Variants in CNOT10 observed in about 807,000 individuals in gnomAD.
CNOT10 encodes the protein CCR4-NOT transcription complex, subunit 10.
A neutral mutation model predicts 94.6 loss-of-function variants in CNOT10; 30 were observed. The observed-to-expected ratio is 0.32, with a 90% CI of 0.24 to 0.43. CNOT10 has a LOEUF of 0.43. Among genes scored for constraint, CNOT10 ranks in the 20% least tolerant of loss-of-function variants. CNOT10 has a pLI of 1.00. For missense variants in CNOT10, 759 were observed against 877.2 expected, an observed-to-expected ratio of 0.87 and a Z score of 1.70; for synonymous variants, 289 against 301.6, an observed-to-expected ratio of 0.96 and a Z score of 0.43.
intron 12 of CNOT10, among the ~76,000 whole-genome samples, chr3:32,737,003 C>T (rs1461341340): frequency 6.6e-6 from 1 of 152,120 alleles, no homozygotes; most frequent in Non-Finnish European, 1.5e-5. Context: ...AACTCTTTTA[C>T]ACTTTTGTTG....
chr3:32,717,370 G>C, intron 7 of CNOT10, 133 bp downstream of exon 7: 3 of 513,476 alleles, frequency 5.8e-6, no homozygotes, highest in Non-Finnish European at 1.0e-5. Context: ...TTTTAAAGTT[G>C]GGAAGTAGTA....
intron 16 of CNOT10, 64 bp from the exon 17 acceptor site, chr3:32,764,618 G>A: frequency 1.9e-6 from 3 of 1,606,468 alleles, no homozygotes; most frequent in Non-Finnish European, 2.6e-6. Context: ...CAAGGCGATA[G>A]ATTGGGTTGC....
intron 1 of CNOT10, among the ~76,000 whole-genome samples, chr3:32,692,014 G>A (rs112133691): frequency 0.025 from 3,691 of 147,026 alleles, 75 homozygotes; most frequent in Non-Finnish European, 0.037. Flanking sequence ...AAACACCACT[G>A]CACTCCAACC....
At chr3:32,726,597 G>A (rs1220951932) in intron 9 of CNOT10, among the ~76,000 whole-genome samples, 1 of 151,582 alleles carries the variant, frequency 6.6e-6, no homozygotes, top group Non-Finnish European at 1.5e-5. Flanking sequence ...TTGGGAGACA[G>A]AAGCAGGATA....
intron 17 of CNOT10, chr3:32,769,224 G>A (rs1372557514): frequency 6.6e-6 from 1 of 152,374 alleles, no homozygotes. Context: ...TTGATAATAA[G>A]GTGAGGAATA....
In CNOT10 at chr3:32,735,581, C is replaced by T. The variant is rs151257802; in HGVS notation, c.1514+605C>T. On this transcript the variant is annotated intron_variant, in intron 12 of 18. Coordinates refer to ENST00000328834, the MANE Select transcript of CNOT10 (RefSeq NM_015442.3). ...AATTAGCTGGGCGTGGTGGTGGGCA[C>T]CTATAATCCCCACTACTGGGAAAGC... Among the ~76,000 whole-genome samples, 686 of 151,394 alleles carry T rather than the reference C, an allele frequency of 4.5e-3. 2 individuals carry two copies. Among genetic ancestry groups the T allele is most frequent in the Middle Eastern group, 0.027 (8 of 294 alleles).
chr3:32,706,312 A>G (rs1294188252), intron 3 of CNOT10, among the ~76,000 whole-genome samples: 1 of 152,246 alleles, frequency 6.6e-6, no homozygotes, highest in Non-Finnish European at 1.5e-5. Flanking sequence ...GTTTTTGAGA[A>G]TAAGTTCAGC....
At chr3:32,729,935 A>T (rs1698863520) in intron 10 of CNOT10, among the ~76,000 whole-genome samples, 1 of 150,194 alleles carries the variant, frequency 6.7e-6, no homozygotes, top group African/African-American at 2.4e-5. Context: ...CGCCCGGCTA[A>T]TTTTTTGTAT....
chr3:32,687,903 C>T (rs566408957), intron 1 of CNOT10, among the ~76,000 whole-genome samples: 6 of 152,270 alleles, frequency 3.9e-5, no homozygotes, highest in African/African-American at 1.2e-4. Flanking sequence ...TTCTCTTCTC[C>T]GTCTGGTGAA....
chr3:32,733,126 T>A (rs1238336077), intron 10 of CNOT10, among the ~76,000 whole-genome samples: 1 of 152,160 alleles, frequency 6.6e-6, no homozygotes, highest in African/African-American at 2.4e-5. Context: ...GTACTGGAGG[T>A]CTAGAATATT....
chr3:32,704,443 T>C (rs998965747), intron 2 of CNOT10, among the ~76,000 whole-genome samples: 1 of 152,150 alleles, frequency 6.6e-6, no homozygotes, highest in Non-Finnish European at 1.5e-5. Context: ...GCAGAAGAAC[T>C]TGATGCTTGG....
At chr3:32,726,978 C>T (rs1483099686) in intron 9 of CNOT10, among the ~76,000 whole-genome samples, 1 of 151,294 alleles carries the variant, frequency 6.6e-6, no homozygotes, top group Non-Finnish European at 1.5e-5. Flanking sequence ...TCCCGAGTAG[C>T]TGGGACTACA....
At chr3:32,757,110 GAA>G (rs1167248770) in intron 13 of CNOT10, among the ~76,000 whole-genome samples, 2 of 50,934 alleles carry the variant, frequency 3.9e-5, no homozygotes, top group African/African-American at 7.0e-5. Flanking sequence ...CGTCTCAAAA[GAA>G]AAAAAAAAAA....
At chr3:32,763,878 C>G (rs568622191) in intron 15 of CNOT10, among the ~76,000 whole-genome samples, 5 of 152,138 alleles carry the variant, frequency 3.3e-5, no homozygotes, top group Non-Finnish European at 7.4e-5. Flanking sequence ...CACCTGTAAT[C>G]CCAGCACTTT....
chr3:32,697,050 C>T (rs1402846321), intron 1 of CNOT10, among the ~76,000 whole-genome samples: 1 of 151,534 alleles, frequency 6.6e-6, no homozygotes, highest in Non-Finnish European at 1.5e-5. Flanking sequence ...TTCCGGGTTC[C>T]AGTGATTCTC....
chr3:32,702,314 T>C (rs1443010513), intron 1 of CNOT10, among the ~76,000 whole-genome samples: 2 of 152,258 alleles, frequency 1.3e-5, no homozygotes, highest in African/African-American at 4.8e-5. Flanking sequence ...GTTAGAGTAC[T>C]TAACACACTT....
chr3:32,756,764 G>A (rs962647533), intron 13 of CNOT10, among the ~76,000 whole-genome samples: 3 of 152,172 alleles, frequency 2.0e-5, no homozygotes, highest in Non-Finnish European at 2.9e-5. Context: ...GTGTGCTTCT[G>A]CTTTTAAGAA....
intron 15 of CNOT10, 109 bp from the exon 16 acceptor site, chr3:32,764,346 A>AAAAAG (rs1294968334): frequency 1.4e-5 from 17 of 1,213,446 alleles, no homozygotes; most frequent in African/African-American, 6.1e-5. Context: ...CAAAAAAAAA[A>AAAAAG]AAAAGAAAAG....
intron 13 of CNOT10, among the ~76,000 whole-genome samples, chr3:32,755,253 AAAAG>A (rs1224955998): frequency 3.3e-5 from 5 of 151,782 alleles, no homozygotes; most frequent in Admixed American, 6.6e-5. Context: ...TATCAAAAAA[AAAAG>A]AAAGAAAAGA....
Sources: gnomAD v4.1 joint callset for allele counts (sites outside exome capture counted in the v4.1 genomes callset) on GRCh38, gnomAD v4.1.1 for gene constraint, MANE v1.5 for transcripts, NCBI Gene and HGNC (gene_info 2026-07-23, HGNC 2026-07-21) for gene names.